Variants in ZNF423 observed in about 807,000 individuals in gnomAD.
ZNF423 encodes the protein Ebf-associated zinc finger protein.
Under a neutral mutation model 95.8 loss-of-function variants are expected in ZNF423, and 12 were observed. That is an observed-to-expected ratio of 0.13 (90% CI 0.08 to 0.20). The LOEUF (loss-of-function observed/expected upper bound fraction) is 0.20, where lower values mean the gene tolerates loss of function less well. ZNF423 is among the 10% of genes least tolerant of loss of function. The probability of loss-of-function intolerance (pLI) is 1.00; values close to 1 mark genes in which losing one functional copy is unlikely to be tolerated. For synonymous variants in ZNF423, 749 were observed against 711.9 expected (o/e 1.05, Z -0.83); for missense variants, 1,316 against 1,737.1 (o/e 0.76, Z 4.31).
At chr16:49,667,341 C>A (rs2030593554) in intron 3 of ZNF423, among the ~76,000 whole-genome samples, 1 of 152,208 alleles carries the variant, frequency 6.6e-6, no homozygotes, top group Non-Finnish European at 1.5e-5. Flanking sequence ...CACAGCCAGA[C>A]AAGAGCTAGC....
intron 7 of ZNF423, among the ~76,000 whole-genome samples, chr16:49,504,701 G>A (rs917312959): frequency 2.0e-5 from 3 of 152,186 alleles, no homozygotes; most frequent in Non-Finnish European, 2.9e-5. Flanking sequence ...ATAGCAGCCC[G>A]AGACATCCTC....
At chr16:49,681,301 C>T (rs1027523848) in intron 3 of ZNF423, among the ~76,000 whole-genome samples, 8 of 152,190 alleles carry the variant, frequency 5.3e-5, no homozygotes, top group Non-Finnish European at 8.8e-5. Context: ...CCAACAGCAT[C>T]CAGACTACAC....
intron 3 of ZNF423, chr16:49,707,857 G>C (rs1028299542): frequency 4.6e-5 from 7 of 152,010 alleles, no homozygotes; most frequent in African/African-American, 9.7e-5. Context: ...CTGTCACGCA[G>C]GCTAATGTGC....
intron 3 of ZNF423, among the ~76,000 whole-genome samples, chr16:49,681,735 C>T (rs1293774744): frequency 6.6e-6 from 1 of 152,214 alleles, no homozygotes; most frequent in Non-Finnish European, 1.5e-5. Context: ...GATCTGAATG[C>T]TGGCTTCCTG....
intron 3 of ZNF423, chr16:49,664,052 C>A: frequency 1.0e-6 from 1 of 985,496 alleles, no homozygotes; most frequent in Non-Finnish European, 1.2e-6. Context: ...CCCTTCCAAC[C>A]CAGCCACCCC....
At chr16:49,645,952 T>A (rs1467420415) in intron 3 of ZNF423, among the ~76,000 whole-genome samples, 1 of 152,226 alleles carries the variant, frequency 6.6e-6, no homozygotes, top group African/African-American at 2.4e-5. Context: ...TTCCCAGCCA[T>A]GCACAACTGT....
At chr16:49,839,992 C>T (rs569347989) in intron 1 of ZNF423, among the ~76,000 whole-genome samples, 1 of 152,338 alleles carries the variant, frequency 6.6e-6, no homozygotes, top group Non-Finnish European at 1.5e-5. Context: ...CCTCACTCAA[C>T]TAGAATAAAC....
chr16:49,743,377 C>T (rs540184812), intron 2 of ZNF423, among the ~76,000 whole-genome samples: 4 of 152,194 alleles, frequency 2.6e-5, no homozygotes, highest in East Asian at 3.9e-4. Context: ...GCTGGATGTG[C>T]GAAGGTCTCC....
At chr16:49,817,206 G>A (rs990965748) in intron 1 of ZNF423, among the ~76,000 whole-genome samples, 3 of 152,220 alleles carry the variant, frequency 2.0e-5, no homozygotes, top group African/African-American at 7.2e-5. Flanking sequence ...CCTAGAGGGA[G>A]GGCCTTGCAC....
Position 49,638,978 on chromosome 16 carries a change from T to C in ZNF423, c.302-104A>G. The C allele has an allele frequency of 1.4e-6, 2 of 1,453,048 alleles. No individual in the cohort carries two copies. Among genetic ancestry groups the C allele is most frequent in the South Asian group, 2.9e-5 (2 of 68,472 alleles). The allele number at this position is 1,453,048 out of a possible 1,614,324, so 90.0% of individuals were successfully genotyped here. On this transcript the variant is annotated intron_variant, in intron 3 of 7. Coordinates refer to ENST00000563137, the MANE Select transcript of ZNF423 (RefSeq NM_001379286.1). The surrounding 1 kb of genome is among the most constrained non-coding windows in gnomAD (Gnocchi z 5.6). ...AGCACGCGGGCTGAGGCTGTGCAGC[T>C]GGCCAACGGCTGCAGGGGGCTGTGG...
intron 3 of ZNF423, among the ~76,000 whole-genome samples, chr16:49,644,350 T>C (rs897556983): frequency 6.6e-6 from 1 of 151,972 alleles, no homozygotes; most frequent in Non-Finnish European, 1.5e-5. Context: ...CAGTTCCATC[T>C]GTGTGAATAA....
intron 7 of ZNF423, among the ~76,000 whole-genome samples, chr16:49,499,031 C>T (rs768364583): frequency 6.6e-6 from 1 of 152,172 alleles, no homozygotes; most frequent in Non-Finnish European, 1.5e-5. Context: ...GCAGTCAATC[C>T]CCCGGGGCCC....
intron 1 of ZNF423, among the ~76,000 whole-genome samples, chr16:49,831,971 A>T (rs2035065325): frequency 6.6e-6 from 1 of 151,536 alleles, no homozygotes; most frequent in African/African-American, 2.4e-5. Context: ...GTGACAGAAC[A>T]AGACTATCTC....
chr16:49,831,884 C>T (rs1423658332), intron 1 of ZNF423, among the ~76,000 whole-genome samples: 1 of 151,862 alleles, frequency 6.6e-6, no homozygotes, highest in African/African-American at 2.4e-5. Flanking sequence ...GCCTCTAGTC[C>T]CAGCTACTGG....
chr16:49,625,823 G>A (rs1027817282), intron 5 of ZNF423, among the ~76,000 whole-genome samples: 1 of 152,230 alleles, frequency 6.6e-6, no homozygotes, highest in African/African-American at 2.4e-5. Flanking sequence ...AGGGAAATGT[G>A]AGCAGTTAAA....
intron 7 of ZNF423, among the ~76,000 whole-genome samples, chr16:49,497,909 G>A (rs964968226): frequency 1.3e-5 from 2 of 152,248 alleles, no homozygotes; most frequent in African/African-American, 2.4e-5. Flanking sequence ...GAGAGCAAGT[G>A]AGGCACAATC....
Position 49,712,104 on chromosome 16 carries a change from G to A in ZNF423, c.301+18667C>T, listed in dbSNP as rs183656690. ...TGTACTCCAGCCTGGGCAACAGAGC[G>A]AGACCCTGTCGCTATTTAAAAAAAT... is the stretch of plus-strand genomic sequence containing the variant. On this transcript the variant is annotated intron_variant, in intron 3 of 7. Transcript: ENST00000563137. 1.9e-4 allele frequency among the ~76,000 whole-genome samples: 29 copies of A among 152,294 alleles called. No individual in the cohort carries two copies. In the East Asian group the frequency reaches 1.9e-3, roughly 10 times the overall value.
chr16:49,635,510 C>G lies in ZNF423; in HGVS notation c.3516+150G>C. 1 of 959,732 alleles carries G rather than the reference C, an allele frequency of 1.0e-6. No individual in the cohort carries two copies. Among genetic ancestry groups the G allele is most frequent in the Non-Finnish European group, 1.4e-6 (1 of 698,776 alleles). The allele number at this position is 959,732 out of a possible 1,614,324, so 59.5% of individuals were successfully genotyped here. On this transcript the variant is annotated intron_variant, in intron 4 of 7. Coordinates refer to ENST00000563137, the MANE Select transcript of ZNF423 (RefSeq NM_001379286.1). This position sits in a 1 kb window ranked among gnomAD's most constrained non-coding sequence, Gnocchi z 4.8. ...CAATGGCAGTGCTGAGGTTCAAACT[C>G]AAGGAGTCTACAGCACAGCAGTTCT...
At chr16:49,778,981 A>G (rs1012813581) in intron 2 of ZNF423, among the ~76,000 whole-genome samples, 4 of 152,206 alleles carry the variant, frequency 2.6e-5, no homozygotes, top group Non-Finnish European at 5.9e-5. Flanking sequence ...GAGGTTTAGT[A>G]ACTTACTCCA....
Sources: gnomAD v4.1 joint callset for allele counts (sites outside exome capture counted in the v4.1 genomes callset) on GRCh38, gnomAD v4.1.1 for gene constraint, Gnocchi (gnomAD v3.1) non-coding constraint, MANE v1.5 for transcripts, NCBI Gene and HGNC (gene_info 2026-07-23, HGNC 2026-07-21) for gene names.